Variants in DCLK3 observed in about 807,000 individuals in gnomAD.
The protein encoded by DCLK3 is doublecortin like kinase 3.
Under a neutral mutation model 46.4 loss-of-function variants are expected in DCLK3, and 30 were observed. The ratio of observed to expected loss-of-function variants is 0.65; its 90% CI spans 0.48 to 0.88. DCLK3 has a LOEUF of 0.88. DCLK3 is among the 40% of genes least tolerant of loss of function. The probability of loss-of-function intolerance (pLI) is 0.00; values close to 1 mark genes in which losing one functional copy is unlikely to be tolerated. For synonymous variants in DCLK3, 401 were observed against 339.2 expected, an observed-to-expected ratio of 1.18 and a Z score of -2.00; for missense variants, 846 against 907.1, an observed-to-expected ratio of 0.93 and a Z score of 0.87.
At chr3:36,744,334 G>A (rs1030297347) in intron 1 of DCLK3, among the ~76,000 whole-genome samples, 3 of 152,206 alleles carry the variant, frequency 2.0e-5, no homozygotes, top group Middle Eastern at 3.2e-3. Context: ...GATAAGTGAG[G>A]TGAAAAGAAA....
At chr3:36,726,074 C>G (rs1879546) in intron 2 of DCLK3, among the ~76,000 whole-genome samples, 4 of 151,820 alleles carry the variant, frequency 2.6e-5, no homozygotes, top group African/African-American at 4.8e-5. Context: ...GGTCACTATG[C>G]TAGAAAAAAT....
Position 36,737,892 on chromosome 3 carries a change from C to A in DCLK3, c.1275G>T (p.Gly425=), listed in dbSNP as rs754169288. 6.2e-7 allele frequency: 1 copy of A among 1,614,014 alleles called. No homozygotes were observed. The highest frequency in any genetic ancestry group is 1.3e-5 in the African/African-American group (1 of 75,052). ...TGGTGTCCTTCTTCACCTCCCTCAG[C>A]CCCTCCTCTGTGACAGGAAGAACTT... ...LVEVLPVTEE[G]LREVKKDTRP... The change falls in exon 2 of 5, where the codon GGG becomes GGT. Residue 425 remains glycine, a synonymous_variant. Transcript: ENST00000636136. This position sits in a 1 kb window ranked among gnomAD's most constrained non-coding sequence, Gnocchi z 4.4.
chr3:36,762,947 T>C (rs958501575), intron 1 of DCLK3, among the ~76,000 whole-genome samples: 8 of 152,210 alleles, frequency 5.3e-5, no homozygotes, highest in Non-Finnish European at 1.2e-4. Context: ...CTTTTCTTTT[T>C]TTTTTTCTTC....
intron 4 of DCLK3, among the ~76,000 whole-genome samples, chr3:36,716,556 GT>G (rs1055965669): frequency 2.4e-4 from 37 of 152,232 alleles, no homozygotes; most frequent in African/African-American, 7.7e-4. Flanking sequence ...TTGTGTACAA[GT>G]GTGGACAACC....
chr3:36,738,486 C>T lies in DCLK3; in HGVS notation c.681G>A (p.Glu227=). Residue 227 remains glutamate, a synonymous_variant, in exon 2 of 5, where the codon GAG becomes GAA. Coordinates refer to ENST00000636136, the MANE Select transcript of DCLK3 (RefSeq NM_001394672.2). ...LKGDHRCGET[E]TPKSCSEVAG... is the part of the protein sequence containing the mutation. ...CAACTTCGCTGCAGCTCTTGGGGGT[C>T]TCGGTCTCCCCACAGCGGTGGTCTC... 6.7e-7 allele frequency: 1 copy of T among 1,492,722 alleles called. No homozygotes were observed. Among genetic ancestry groups the T allele is most frequent in the Non-Finnish European group, 8.9e-7 (1 of 1,122,960 alleles). The allele number at this position is 1,492,722 out of a possible 1,614,324, so 92.5% of individuals were successfully genotyped here. A position where few individuals can be genotyped will look rare whatever the true frequency, so the allele number is the denominator to read the frequency against.
At chr3:36,730,538 G>A (rs1701187147) in intron 2 of DCLK3, among the ~76,000 whole-genome samples, 1 of 152,152 alleles carries the variant, frequency 6.6e-6, no homozygotes, top group African/African-American at 2.4e-5. Context: ...GTAATCTCAG[G>A]CAGTGATAAG....
At chr3:36,749,056 T>A (rs1469578524) in intron 1 of DCLK3, among the ~76,000 whole-genome samples, 2 of 152,168 alleles carry the variant, frequency 1.3e-5, no homozygotes, top group Admixed American at 6.5e-5. Context: ...TCACCCATGA[T>A]CACATCCCTG....
intron 3 of DCLK3, among the ~76,000 whole-genome samples, chr3:36,719,331 A>C (rs1701027803): frequency 1.3e-5 from 2 of 152,240 alleles, no homozygotes; most frequent in Non-Finnish European, 2.9e-5. Context: ...ACTGTAATTT[A>C]GAAGTTAGAT....
chr3:36,733,376 T>A (rs545743639), intron 2 of DCLK3, among the ~76,000 whole-genome samples: 1 of 152,304 alleles, frequency 6.6e-6, no homozygotes, highest in African/African-American at 2.4e-5. Flanking sequence ...CTGGAAGAAA[T>A]GTTCTCAAAT....
intron 2 of DCLK3, among the ~76,000 whole-genome samples, chr3:36,736,041 G>A (rs1701258274): frequency 6.6e-6 from 1 of 152,222 alleles, no homozygotes; most frequent in South Asian, 2.1e-4. Context: ...GGGTGACAGT[G>A]TCATCCTGAC....
chr3:36,731,799 C>A (rs891982656), intron 2 of DCLK3, among the ~76,000 whole-genome samples: 25 of 150,656 alleles, frequency 1.7e-4, no homozygotes, highest in African/African-American at 6.2e-4. Flanking sequence ...CTCCTCACTC[C>A]TTCTTTTCTC....
In DCLK3 at chr3:36,718,139, T is replaced by C; in HGVS notation, c.2131A>G (p.Ile711Val). 1 of 1,614,056 alleles carries C rather than the reference T, an allele frequency of 6.2e-7. No individual in the cohort carries two copies. Among genetic ancestry groups the C allele is most frequent in the Non-Finnish European group, 8.5e-7 (1 of 1,180,016 alleles). ...LEVDMWAAGV[I>V]LYILLCGFPP... Reference sequence around the variant, plus strand: ...AAGCCACACAGCAGGATATAGAGGATCACGCCAGCAGCCCACATGTCCACC... The same window carrying C: ...AAGCCACACAGCAGGATATAGAGGACCACGCCAGCAGCCCACATGTCCACC... The change falls in exon 4 of 5, where the codon ATC (isoleucine) becomes GTC (valine). Residue 711 changes from isoleucine (I) to valine (V), a missense_variant. Physicochemically the swap from Ile to Val is conservative, Grantham distance 29 (BLOSUM62 3). Coordinates refer to ENST00000636136, the MANE Select transcript of DCLK3 (RefSeq NM_001394672.2).
rs376263348 is a variant in DCLK3 at position 36,741,955 on chromosome 3, G to A, written c.83-2871C>T. On this transcript the variant is annotated intron_variant, in intron 1 of 4. Transcript: ENST00000636136. ...TATCCATTACAGGGAAGAAATAGGA[G>A]AGGGATCCTCAGGGGAGAACCAATA... is the stretch of plus-strand genomic sequence containing the variant. Among the ~76,000 whole-genome samples, 246 of 152,290 alleles carry A rather than the reference G, an allele frequency of 1.6e-3. 8 individuals are homozygous for A. In the South Asian group the frequency reaches 0.048, roughly 30 times the overall value.
intron 1 of DCLK3, among the ~76,000 whole-genome samples, chr3:36,761,111 T>C (rs1183367865): frequency 6.6e-6 from 1 of 152,236 alleles, no homozygotes; most frequent in Non-Finnish European, 1.5e-5. Context: ...TCCCTGTCCC[T>C]TCATGCAGCC....
chr3:36,744,824 C>A (rs1701379796), intron 1 of DCLK3, among the ~76,000 whole-genome samples: 1 of 152,202 alleles, frequency 6.6e-6, no homozygotes, highest in Non-Finnish European at 1.5e-5. Context: ...ATAAAAGAAA[C>A]ACTCCAGCAA....
chr3:36,716,839 T>C (rs1456516268), intron 4 of DCLK3, among the ~76,000 whole-genome samples: 1 of 152,246 alleles, frequency 6.6e-6, no homozygotes, highest in African/African-American at 2.4e-5. Flanking sequence ...GGGCCACCCA[T>C]GCCCAAATCT....
In DCLK3 at chr3:36,737,309, C is replaced by G. The variant is rs1322424466; in HGVS notation, c.1858G>C (p.Glu620Gln). The G allele has an allele frequency of 6.2e-7, 1 of 1,614,140 alleles. No individual in the cohort carries two copies. The highest frequency in any genetic ancestry group is 1.3e-5 in the African/African-American group (1 of 75,018). ...DAIIESVKFP[E>Q]PDAALMIMDL... The stretch of plus-strand genomic sequence containing the variant: ...ATGATCATGAGGGCAGCATCGGGCT[C>G]CGGGAACTTCACACTTTCTATGATG... Residue 620 changes from glutamate (E) to glutamine (Q), a missense_variant, in exon 2 of 5, where the codon GAG becomes CAG. Glu to Gln is a conservative substitution (Grantham distance 29, BLOSUM62 2). This residue lies in a region of DCLK3 where 247 missense variants were observed against 322.8 expected (regional missense o/e 0.77). Coordinates refer to ENST00000636136, the MANE Select transcript of DCLK3 (RefSeq NM_001394672.2). The surrounding 1 kb of genome is among the most constrained non-coding windows in gnomAD (Gnocchi z 4.4).
chr3:36,716,068 A>C (rs1193386715), intron 4 of DCLK3, among the ~76,000 whole-genome samples: 1 of 152,242 alleles, frequency 6.6e-6, no homozygotes, highest in Non-Finnish European at 1.5e-5. Context: ...CCGTGTAAAG[A>C]AATCTAAAAA....
chr3:36,715,260 C>A lies in DCLK3; in HGVS notation c.*68G>T. ...AAGAAGCCTCTTTCATTGTTTTTCT[C>A]TCAAACTTCTATCCTTTTCTCTGTC... is the stretch of plus-strand genomic sequence containing the variant. On this transcript the variant is annotated 3_prime_UTR_variant, in exon 5 of 5. Transcript: ENST00000636136. 1 of 1,545,734 alleles carries A rather than the reference C, an allele frequency of 6.5e-7. No homozygotes were observed. Among genetic ancestry groups the A allele is most frequent in the East Asian group, 2.3e-5 (1 of 42,562 alleles).
Sources: allele counts gnomAD v4.1 joint callset (sites outside exome capture counted in the v4.1 genomes callset), GRCh38; gene constraint gnomAD v4.1.1; regional missense constraint gnomAD v4.1.1; non-coding constraint Gnocchi (gnomAD v3.1); transcripts MANE v1.5; gene names NCBI Gene and HGNC (gene_info 2026-07-23, HGNC 2026-07-21).